The following COLGALT1 variants were observed in gnomAD, a reference collection of about 807,000 sequenced individuals.
COLGALT1 encodes the protein collagen beta(1-O)galactosyltransferase 1.
COLGALT1 carries 43 observed loss-of-function variants against 60.8 expected under a neutral mutation model. That is an observed-to-expected ratio of 0.71 (90% CI 0.55 to 0.91). COLGALT1 has a LOEUF of 0.91. Among genes scored for constraint, COLGALT1 ranks in the 40% least tolerant of loss-of-function variants. The pLI, the probability that COLGALT1 is intolerant of heterozygous loss-of-function variation, is 0.00. For missense variants in COLGALT1, 845 were observed against 880.0 expected (o/e 0.96, Z 0.50); for synonymous variants, 369 against 374.2 (o/e 0.99, Z 0.16).
rs375611652 is a variant in COLGALT1 at position 17,568,516 on chromosome 19, A to G, written c.632A>G (p.Tyr211Cys). Residue 211 changes from tyrosine to cysteine, a missense_variant, in exon 5 of 12, where the codon TAC becomes TGC. Tyr to Cys is a radical substitution (Grantham distance 194). Coordinates refer to ENST00000252599, the MANE Select transcript of COLGALT1 (RefSeq NM_024656.4). ...CTCGCTCTCTCCCCACAGGGCTACT[A>G]CAAGCGCACACCTGCCTACATCCCT... is the stretch of plus-strand genomic sequence containing the variant. ...FWCGMTSQGY[Y>C]KRTPAYIPIR... 6 of 1,613,826 alleles carry G rather than the reference A, an allele frequency of 3.7e-6. No homozygotes were observed. Among genetic ancestry groups the G allele is most frequent in the Middle Eastern group, 1.6e-4 (1 of 6,076 alleles).
intron 6 of COLGALT1, 191 bp from the exon 7 acceptor site, chr19:17,577,004 T>TGGGGGCGGGGAGAGGCTGGGGCC: frequency 3.3e-6 from 1 of 307,172 alleles, no homozygotes; most frequent in Non-Finnish European, 6.1e-6. Context: ...GGCCAGGGCT[T>TGGGGGCGGGGAGAGGCTGGGGCC]TGGGCTGCTG....
chr19:17,571,831 A>G (rs993115270), intron 5 of COLGALT1: 2 of 151,650 alleles, frequency 1.3e-5, no homozygotes, highest in Admixed American at 1.3e-4. Context: ...CTCAACATGC[A>G]TTTTTACTGT....
At chr19:17,558,217 G>C (rs1157891726) in intron 1 of COLGALT1, among the ~76,000 whole-genome samples, 1 of 151,760 alleles carries the variant, frequency 6.6e-6, no homozygotes, top group Non-Finnish European at 1.5e-5. Context: ...GGAATTACAA[G>C]CGTGAGCCAC....
chr19:17,560,490 T>C (rs1233787762), intron 3 of COLGALT1, 25 bp downstream of exon 3: 5 of 1,586,712 alleles, frequency 3.2e-6, no homozygotes, highest in Middle Eastern at 1.7e-4. Context: ...CGGCCGGATA[T>C]GGATCACAGG....
At chr19:17,579,869 C>T in intron 10 of COLGALT1, 2 of 477,954 alleles carry the variant, frequency 4.2e-6, no homozygotes, top group Non-Finnish European at 7.6e-6. Context: ...TGGGTGTGGT[C>T]AGGGTGGCAG....
rs561966738 is a variant in COLGALT1 at position 17,581,734 on chromosome 19, A to G, written c.*290A>G. ...AGCACCTGCTGTATGCAAGGTTCCC[A>G]TGTTACGGCAGTGAATGAGGCATAA... On this transcript the variant is annotated 3_prime_UTR_variant, in exon 12 of 12. Coordinates refer to ENST00000252599, the MANE Select transcript of COLGALT1 (RefSeq NM_024656.4). The G allele has an allele frequency of 1.4e-4, 67 of 464,610 alleles. No homozygotes were observed. The highest frequency in any genetic ancestry group is 2.5e-4 in the Non-Finnish European group (64 of 256,386). 28.8% of individuals were successfully genotyped at this position (464,610 alleles called of 1,614,324 possible). A position where few individuals can be genotyped will look rare whatever the true frequency, so the allele number is the denominator to read the frequency against.
At position 17,555,837 on chromosome 19, in the gene COLGALT1, C is replaced by T. The variant is rs1197800903; in HGVS notation, c.124C>T (p.Arg42Cys). ...PGADAYFPEE[R>C]WSPESPLQAP... is the part of the protein sequence containing the mutation. Reference sequence around the variant, plus strand: ...CGCCGACGCCTACTTCCCCGAGGAGCGCTGGAGCCCGGAGTCGCCCCTGCA... The same window carrying T: ...CGCCGACGCCTACTTCCCCGAGGAGTGCTGGAGCCCGGAGTCGCCCCTGCA... Residue 42 changes from arginine (R) to cysteine (C), a missense_variant, in exon 1 of 12, where the codon CGC (arginine) becomes TGC (cysteine). Physicochemically the swap from Arg to Cys is radical, Grantham distance 180 (BLOSUM62 -3). Transcript: ENST00000252599. 1 of 1,339,878 alleles carries T rather than the reference C, an allele frequency of 7.5e-7. No homozygotes were observed. The highest frequency in any genetic ancestry group is 1.8e-5 in the South Asian group (1 of 57,078). 83.0% of individuals were successfully genotyped at this position (1,339,878 alleles called of 1,614,324 possible).
intron 3 of COLGALT1, among the ~76,000 whole-genome samples, chr19:17,563,595 C>T (rs1050186890): frequency 2.2e-4 from 33 of 152,114 alleles, no homozygotes; most frequent in Admixed American, 3.3e-4. Context: ...GTGATCCACC[C>T]GGCTTGGCCT....
At chr19:17,562,974 G>A (rs1293131088) in intron 3 of COLGALT1, among the ~76,000 whole-genome samples, 1 of 152,046 alleles carries the variant, frequency 6.6e-6, no homozygotes, top group South Asian at 2.1e-4. Flanking sequence ...GCCTGGTGGG[G>A]TGTCAGAACT....
At chr19:17,577,168 C>T (rs759090648) in intron 6 of COLGALT1, 27 bp from the exon 7 acceptor site, 2 of 1,609,360 alleles carry the variant, frequency 1.2e-6, no homozygotes, top group South Asian at 2.2e-5. Context: ...CTTACCCCAG[C>T]GACTCCTCAA....
chr19:17,565,266 C>T (rs1266938037), intron 3 of COLGALT1, among the ~76,000 whole-genome samples: 1 of 151,988 alleles, frequency 6.6e-6, no homozygotes, highest in Admixed American at 6.6e-5. Context: ...AGCGATTCTC[C>T]TGCGTTAGTC....
At chr19:17,558,882 G>T (rs1199592475) in intron 1 of COLGALT1, among the ~76,000 whole-genome samples, 4 of 152,012 alleles carry the variant, frequency 2.6e-5, no homozygotes, top group Non-Finnish European at 5.9e-5. Flanking sequence ...GAAATGGGCC[G>T]GGCGCGGTGG....
intron 5 of COLGALT1, among the ~76,000 whole-genome samples, chr19:17,570,005 C>G (rs954223230): frequency 1.4e-5 from 2 of 145,666 alleles, no homozygotes; most frequent in Non-Finnish European, 3.0e-5. Flanking sequence ...CGCCATTCTC[C>G]TGCCTCAGCT....
At chr19:17,561,047 A>C (rs910539612) in intron 3 of COLGALT1, among the ~76,000 whole-genome samples, 7 of 151,776 alleles carry the variant, frequency 4.6e-5, no homozygotes, top group African/African-American at 1.7e-4. Flanking sequence ...TCTACTAAAA[A>C]TACAAAAATT....
chr19:17,569,866 C>T lies in COLGALT1; in HGVS notation c.829+1153C>T, dbSNP rs985849209. 7.3e-5 allele frequency among the ~76,000 whole-genome samples: 11 copies of T among 150,856 alleles called. No homozygotes were observed. The East Asian group carries it at 1.9e-3, about 27-fold the overall frequency. ...AACCAGAGGTTGGCAAACTGACCTG[C>T]AGGCCAAACCTGGCCCACTAATTAC... On this transcript the variant is annotated intron_variant, in intron 5 of 11. Coordinates refer to ENST00000252599, the MANE Select transcript of COLGALT1 (RefSeq NM_024656.4).
intron 3 of COLGALT1, 102 bp downstream of exon 3, chr19:17,560,567 C>A: frequency 1.1e-6 from 1 of 941,042 alleles, no homozygotes; most frequent in Non-Finnish European, 1.7e-6. Flanking sequence ...TGTTGTTTTG[C>A]AGAAGGGTAA....
chr19:17,579,115 T>C (rs2076362551), intron 9 of COLGALT1, among the ~76,000 whole-genome samples: 1 of 151,178 alleles, frequency 6.6e-6, no homozygotes, highest in African/African-American at 2.4e-5. Context: ...GAGGTTGCAG[T>C]TGAGATCGTT....
intron 5 of COLGALT1, among the ~76,000 whole-genome samples, chr19:17,571,140 G>A (rs965426747): frequency 2.0e-5 from 3 of 152,122 alleles, no homozygotes; most frequent in Non-Finnish European, 2.9e-5. Flanking sequence ...AAAAGAGGCC[G>A]GGTGTAGTGG....
At chr19:17,579,454 T>C (rs1279846845) in intron 9 of COLGALT1, 28 bp from the exon 10 acceptor site, 3 of 1,614,036 alleles carry the variant, frequency 1.9e-6, no homozygotes, top group Non-Finnish European at 2.5e-6. Flanking sequence ...TTGGCCTCCC[T>C]GTGATGTGGC....
Sources: gnomAD v4.1 joint callset for allele counts (sites outside exome capture counted in the v4.1 genomes callset) on GRCh38, gnomAD v4.1.1 for gene constraint, MANE v1.5 for transcripts, NCBI Gene and HGNC (gene_info 2026-07-23, HGNC 2026-07-21) for gene names.